Variants in TASP1 observed in about 807,000 individuals in gnomAD.
The protein encoded by TASP1 is taspase 1.
In TASP1, 16 loss-of-function variants were observed where a neutral mutation model predicts 56.6. The ratio of observed to expected loss-of-function variants is 0.28; its 90% CI spans 0.19 to 0.43. The LOEUF is 0.43. Ranked by LOEUF, TASP1 falls within the 20% of genes least tolerant of loss-of-function variation. TASP1 has a pLI of 1.00. For missense variants in TASP1, 393 were observed against 511.6 expected (o/e 0.77, Z 2.24); for synonymous variants, 179 against 184.2 (o/e 0.97, Z 0.23).
chr20:13,530,063 T>C (rs2045161209), intron 9 of TASP1, among the ~76,000 whole-genome samples: 1 of 152,166 alleles, frequency 6.6e-6, no homozygotes, highest in South Asian at 2.1e-4. Context: ...AAAACAGCTA[T>C]TTTAGTTCTC....
At chr20:13,181,430 T>C in the TASP1 span, among the ~76,000 whole-genome samples, 1 of 152,046 alleles carries the variant, frequency 6.6e-6, no homozygotes, top group Non-Finnish European at 1.5e-5. Context: ...TGATTTTAGG[T>C]GAGCCCAAGC....
Position 13,390,132 on chromosome 20 carries a change from A to G in TASP1, c.*228T>C. 2.1e-6 allele frequency: 1 copy of G among 475,370 alleles called. No homozygotes were observed. The highest frequency in any genetic ancestry group is 5.3e-4 in the Middle Eastern group (1 of 1,882). The allele number at this position is 475,370 out of a possible 1,614,324, so 29.4% of individuals were successfully genotyped here. ...GCAAACACACATACTCCACACATAC[A>G]CATATGTGCGCACATACGCGCACAC... On this transcript the variant is annotated 3_prime_UTR_variant, in exon 14 of 14. Coordinates refer to ENST00000337743, the MANE Select transcript of TASP1 (RefSeq NM_017714.3).
At chr20:13,383,179 T>G in the TASP1 span, among the ~76,000 whole-genome samples, 1 of 152,188 alleles carries the variant, frequency 6.6e-6, no homozygotes, top group Non-Finnish European at 1.5e-5. Context: ...CTGGAAGGTT[T>G]TGAGCAGACA....
intron 4 of TASP1, among the ~76,000 whole-genome samples, chr20:13,606,806 CAAA>C (rs71334137): frequency 8.0e-5 from 6 of 75,214 alleles, no homozygotes; most frequent in East Asian, 3.3e-4. Flanking sequence ...GACTCCGTCT[CAAA>C]AAAAAAAAAA....
chr20:13,140,165 A>G, the TASP1 span, among the ~76,000 whole-genome samples: 2 of 152,230 alleles, frequency 1.3e-5, no homozygotes, highest in African/African-American at 4.8e-5. Flanking sequence ...AAATAGTAGC[A>G]TACAGACATT....
At chr20:13,492,596 C>T (rs1029572641) in intron 10 of TASP1, among the ~76,000 whole-genome samples, 1 of 152,144 alleles carries the variant, frequency 6.6e-6, no homozygotes, top group Non-Finnish European at 1.5e-5. Context: ...ACATAAGGAG[C>T]TTCATAAAGA....
chr20:13,245,103 A>G, the TASP1 span: 1 of 152,234 alleles, frequency 6.6e-6, no homozygotes, highest in Non-Finnish European at 1.5e-5. Flanking sequence ...TTGGTTAAAT[A>G]TCTTCCTTCC....
intron 6 of TASP1, among the ~76,000 whole-genome samples, chr20:13,577,126 C>A (rs766597274): frequency 6.6e-6 from 1 of 151,910 alleles, no homozygotes. Flanking sequence ...ATGGGGGTCA[C>A]GGTGAGCATG....
the TASP1 span, among the ~76,000 whole-genome samples, chr20:13,197,689 T>C: frequency 1.3e-5 from 2 of 152,326 alleles, no homozygotes; most frequent in East Asian, 3.9e-4. Flanking sequence ...GTTGGGCAAC[T>C]GTAGTGCTCT....
At chr20:13,200,671 A>G in the TASP1 span, among the ~76,000 whole-genome samples, 1 of 152,248 alleles carries the variant, frequency 6.6e-6, no homozygotes, top group South Asian at 2.1e-4. Flanking sequence ...AAACAAAATA[A>G]AATAAGACAA....
intron 2 of TASP1, among the ~76,000 whole-genome samples, chr20:13,628,154 G>A (rs887083644): frequency 1.3e-5 from 2 of 152,186 alleles, no homozygotes; most frequent in African/African-American, 2.4e-5. Flanking sequence ...CATAGCTTCT[G>A]AATTCCATTA....
At chr20:13,275,748 C>T in the TASP1 span, among the ~76,000 whole-genome samples, 27 of 152,234 alleles carry the variant, frequency 1.8e-4, no homozygotes, top group East Asian at 1.3e-3. Context: ...CTTCCTAGAA[C>T]GGATAGATGC....
chr20:13,263,251 A>G, the TASP1 span, among the ~76,000 whole-genome samples: 1 of 152,116 alleles, frequency 6.6e-6, no homozygotes, highest in Non-Finnish European at 1.5e-5. Flanking sequence ...CAGCCTTGTC[A>G]TCTGTGTCTT....
At position 13,462,015 on chromosome 20, in the gene TASP1, T is replaced by C. The variant is rs539072377; in HGVS notation, c.985+21212A>G. Among the ~76,000 whole-genome samples, 3 of 152,258 alleles carry C rather than the reference T, an allele frequency of 2.0e-5. No homozygotes were observed. The East Asian group carries it at 5.8e-4, about 29-fold the overall frequency. On this transcript the variant is annotated intron_variant, in intron 11 of 13. Coordinates refer to ENST00000337743, the MANE Select transcript of TASP1 (RefSeq NM_017714.3). ...AACTAGAGGGGATGATGGGACACAG[T>C]TCTAGCCAATAAGACACAAGGAGGC...
At chr20:13,588,317 A>AAAGG (rs147823593) in intron 4 of TASP1, among the ~76,000 whole-genome samples, 4,758 of 113,646 alleles carry the variant, frequency 0.042, 146 homozygotes, top group African/African-American at 0.059. Flanking sequence ...AAGAGAAAGA[A>AAAGG]AAGGAAGGAA....
chr20:13,500,237 ATG>A (rs781022157), intron 10 of TASP1, among the ~76,000 whole-genome samples: 18 of 142,986 alleles, frequency 1.3e-4, no homozygotes, highest in East Asian at 1.2e-3. Context: ...CTATATAAAA[ATG>A]TGTGTGTGTG....
At chr20:13,384,031 A>G in the TASP1 span, among the ~76,000 whole-genome samples, 15 of 152,220 alleles carry the variant, frequency 9.9e-5, no homozygotes, top group African/African-American at 1.7e-4. Flanking sequence ...CTACTTGTAC[A>G]TGGAAAAGAA....
At chr20:13,180,874 G>A in the TASP1 span, among the ~76,000 whole-genome samples, 1 of 152,180 alleles carries the variant, frequency 6.6e-6, no homozygotes, top group African/African-American at 2.4e-5. Flanking sequence ...CAATGATCTG[G>A]TTAAAAGATC....
the TASP1 span, among the ~76,000 whole-genome samples, chr20:13,205,999 G>C: frequency 2.0e-5 from 3 of 152,218 alleles, no homozygotes; most frequent in Non-Finnish European, 2.9e-5. Flanking sequence ...CCATCACCGG[G>C]TGCAGGTCAG....
Sources: gnomAD v4.1 joint callset for allele counts (sites outside exome capture counted in the v4.1 genomes callset) on GRCh38, gnomAD v4.1.1 for gene constraint, MANE v1.5 for transcripts, NCBI Gene and HGNC (gene_info 2026-07-23, HGNC 2026-07-21) for gene names.